CARS2: variants seen among roughly 807,000 people sequenced by gnomAD.
The protein encoded by CARS2 is probable cysteine--tRNA ligase, mitochondrial.
In CARS2, 52 loss-of-function variants were observed where a neutral mutation model predicts 68.8. The observed-to-expected ratio is 0.76, with a 90% CI of 0.61 to 0.95. The LOEUF is 0.95. Ranked by LOEUF, CARS2 falls within the 40% of genes least tolerant of loss-of-function variation. The pLI, the probability that CARS2 is intolerant of heterozygous loss-of-function variation, is 0.00. For synonymous variants in CARS2, 314 were observed against 303.6 expected (o/e 1.03, Z -0.36); for missense variants, 780 against 754.2 (o/e 1.03, Z -0.40).
intron 3 of CARS2, among the ~76,000 whole-genome samples, chr13:110,690,109 T>A (rs2063415292): frequency 6.6e-6 from 1 of 152,064 alleles, no homozygotes; most frequent in Admixed American, 6.6e-5. Context: ...GCGCCTGTAA[T>A]CCCAGCTACT....
intron 10 of CARS2, chr13:110,648,931 C>T (rs416552): frequency 0.27 from 41,777 of 152,052 alleles, 6,884 homozygotes; most frequent in African/African-American, 0.46. Flanking sequence ...GGAAGGGATC[C>T]GCAGGGAACA....
upstream of CARS2, among the ~76,000 whole-genome samples, chr13:110,708,353 A>G (rs1410183218): frequency 1.3e-5 from 2 of 152,236 alleles, no homozygotes; most frequent in Non-Finnish European, 2.9e-5. Context: ...GCTCAGTTGC[A>G]ATCTGTGAGA....
In CARS2 at chr13:110,663,937, A is replaced by G. The variant is rs182296876; in HGVS notation, c.920-419T>C. 22 of 995,078 alleles carry G rather than the reference A, an allele frequency of 2.2e-5. No homozygotes were observed. The East Asian group carries it at 2.4e-3, about 107-fold the overall frequency. The allele number at this position is 995,078 out of a possible 1,614,324, so 61.6% of individuals were successfully genotyped here. On this transcript the variant is annotated intron_variant, in intron 8 of 14. Transcript: ENST00000257347. ...AGGCACTTGGCGGTGAAGCTTGTTG[A>G]CCGTTGTCCAAAAACAGAGTGGCAC...
In CARS2 at chr13:110,641,566, T is replaced by C. The variant is rs1566629935; in HGVS notation, c.1666A>G (p.Arg556Gly). The change falls in exon 15 of 15, where the codon AGG becomes GGG. Residue 556 changes from arginine to glycine, a missense_variant. Coordinates refer to ENST00000257347, the MANE Select transcript of CARS2 (RefSeq NM_024537.4). ...CCCGCTGATTTTTGGTCTTTTGTCC[T>C]TTGATCCAGCAGTTCCCACGTGGAT... The part of the protein sequence containing the change: ...TTSTWELLDQ[R>G]TKDQKSAG 1 of 1,614,022 alleles carries C rather than the reference T, an allele frequency of 6.2e-7. No individual in the cohort carries two copies. The highest frequency in any genetic ancestry group is 1.3e-5 in the African/African-American group (1 of 74,934).
chr13:110,684,233 A>G (rs886431170), intron 5 of CARS2, among the ~76,000 whole-genome samples: 6 of 152,206 alleles, frequency 3.9e-5, no homozygotes, highest in African/African-American at 1.4e-4. Flanking sequence ...AGCTGTCCTC[A>G]GGCCCCAGGC....
At chr13:110,713,347 C>G in exon 1 of CARS2, 11 of 1,093,608 alleles carry the variant, frequency 1.0e-5, no homozygotes, top group Non-Finnish European at 1.2e-5. Flanking sequence ...AGGTCCTGGT[C>G]GGGTTTTCAG....
intron 8 of CARS2, chr13:110,666,711 G>A: frequency 1.0e-6 from 1 of 985,392 alleles, no homozygotes; most frequent in Non-Finnish European, 1.2e-6. Flanking sequence ...AGATGTCGAA[G>A]TTTGCATCTC....
In CARS2 at chr13:110,677,018, TC is replaced by T. The variant is rs759583288; in HGVS notation, c.740del (p.Gly247AspfsTer30). On this transcript the variant is annotated frameshift_variant, in exon 7 of 15. Transcript: ENST00000257347. LOFTEE classifies it high-confidence loss of function. ...PQEVFWASPW[G>X]PGRPGWHIEC... is the part of the protein sequence containing the mutation. ...CGATGTGCCAGCCCGGCCTCCCGGG[TC>T]CCCAGGGAGAGGCCCAGAACACCTC... 6.2e-7 allele frequency: 1 copy of T among 1,602,974 alleles called. No individual in the cohort carries two copies. The highest frequency in any genetic ancestry group is 8.5e-7 in the Non-Finnish European group (1 of 1,171,744).
intron 7 of CARS2, among the ~76,000 whole-genome samples, chr13:110,673,692 T>C (rs1196596365): frequency 6.6e-6 from 1 of 152,026 alleles, no homozygotes; most frequent in East Asian, 1.9e-4. Context: ...CTATTTAACA[T>C]AGTGTTGGAA....
chr13:110,679,154 A>G (rs1043329886), intron 6 of CARS2, among the ~76,000 whole-genome samples: 1 of 152,146 alleles, frequency 6.6e-6, no homozygotes, highest in Non-Finnish European at 1.5e-5. Context: ...GCCAGGAAAC[A>G]ATGACAGACG....
intron 9 of CARS2, among the ~76,000 whole-genome samples, chr13:110,660,166 A>G (rs1395403609): frequency 6.6e-6 from 1 of 152,204 alleles, no homozygotes; most frequent in Non-Finnish European, 1.5e-5. Context: ...AACTTTTATC[A>G]TGAGGTTGCA....
At chr13:110,654,282 A>AT (rs1169030381) in intron 9 of CARS2, among the ~76,000 whole-genome samples, 1 of 152,190 alleles carries the variant, frequency 6.6e-6, no homozygotes, top group East Asian at 1.9e-4. Flanking sequence ...GTTTTAAACC[A>AT]TTATCTGAGC....
intron 3 of CARS2, among the ~76,000 whole-genome samples, chr13:110,695,681 A>T (rs942425634): frequency 2.0e-5 from 3 of 152,208 alleles, no homozygotes; most frequent in African/African-American, 7.2e-5. Context: ...AAATGTTTAA[A>T]ATCGTAAATT....
intron 8 of CARS2, chr13:110,666,433 G>A (rs1386508598): frequency 1.0e-6 from 1 of 985,318 alleles, no homozygotes; most frequent in Admixed American, 6.1e-5. Context: ...CTGGGGCACT[G>A]TGAGAGGCAG....
At chr13:110,708,480 A>G (rs913907176), upstream of CARS2, among the ~76,000 whole-genome samples, 1 of 152,256 alleles carries the variant, frequency 6.6e-6, no homozygotes, top group Non-Finnish European at 1.5e-5. Context: ...TTCATAGAAC[A>G]TCACAACTTT....
chr13:110,650,343 C>T (rs1356929008), intron 10 of CARS2: 1 of 152,276 alleles, frequency 6.6e-6, no homozygotes, highest in Non-Finnish European at 1.5e-5. Flanking sequence ...AGTGATCCAC[C>T]TGCCTCAGCC....
chr13:110,652,886 C>T (rs1285658659), intron 9 of CARS2, among the ~76,000 whole-genome samples: 2 of 152,084 alleles, frequency 1.3e-5, no homozygotes, highest in Non-Finnish European at 2.9e-5. Context: ...GTATTTCCTT[C>T]GATGGTCAGT....
chr13:110,662,535 C>T (rs1236737518), intron 9 of CARS2, among the ~76,000 whole-genome samples: 1 of 152,262 alleles, frequency 6.6e-6, no homozygotes, highest in African/African-American at 2.4e-5. Context: ...GCTAATCTGT[C>T]TTTGGCCAGA....
chr13:110,672,704 A>G (rs2062833843), intron 7 of CARS2, among the ~76,000 whole-genome samples: 1 of 152,210 alleles, frequency 6.6e-6, no homozygotes, highest in African/African-American at 2.4e-5. Context: ...AAGGCAAGAA[A>G]TAACTAAGAT....
Sources: gnomAD v4.1 joint callset for allele counts (sites outside exome capture counted in the v4.1 genomes callset) on GRCh38, gnomAD v4.1.1 for gene constraint, MANE v1.5 for transcripts, NCBI Gene and HGNC (gene_info 2026-07-23, HGNC 2026-07-21) for gene names.